The following PIK3CG variants were observed in gnomAD, a reference collection of about 807,000 sequenced individuals.
The protein encoded by PIK3CG is phosphatidylinositol 4,5-bisphosphate 3-kinase catalytic subunit gamma isoform.
A neutral mutation model predicts 102.3 loss-of-function variants in PIK3CG; 55 were observed. The ratio of observed to expected loss-of-function variants is 0.54; its 90% CI spans 0.43 to 0.67. PIK3CG has a LOEUF of 0.67. Ranked by LOEUF, PIK3CG falls within the 30% of genes least tolerant of loss-of-function variation. PIK3CG has a pLI of 0.00. For synonymous variants in PIK3CG, 552 were observed against 540.0 expected (o/e 1.02, Z -0.31); for missense variants, 1,258 against 1,391.8 (o/e 0.90, Z 1.53).
rs1485970413 is a variant in PIK3CG at position 106,893,182 on chromosome 7, C to T, written c.3030+6890C>T. On this transcript the variant is annotated intron_variant, in intron 10 of 10. Coordinates refer to ENST00000496166, the MANE Select transcript of PIK3CG (RefSeq NM_001282426.2). This position sits in a 1 kb window ranked among gnomAD's most constrained non-coding sequence, Gnocchi z 4.4. ...AATGTACTGAGCTGATAAAGGATTC[C>T]GTCTTGGGATCTGCACCCCGACCCA... is the stretch of plus-strand genomic sequence containing the variant. Among the ~76,000 whole-genome samples, 2 of 152,092 alleles carry T rather than the reference C, an allele frequency of 1.3e-5. No individual in the cohort carries two copies. The highest frequency in any genetic ancestry group is 6.5e-5 in the Admixed American group (1 of 15,272).
Position 106,897,541 on chromosome 7 carries a change from C to T in PIK3CG, c.3031-7568C>T, listed in dbSNP as rs1562801121. On this transcript the variant is annotated intron_variant, in intron 10 of 10. Transcript: ENST00000496166. The surrounding 1 kb of genome is among the most constrained non-coding windows in gnomAD (Gnocchi z 4.6). ...TCCTCTCCCTCCTCTCATTCTCTCC[C>T]CTCAAGTAGATCCCAGTGTCTGTTG... Among the ~76,000 whole-genome samples, 1 of 152,164 alleles carries T rather than the reference C, an allele frequency of 6.6e-6. No homozygotes were observed. The highest frequency in any genetic ancestry group is 2.4e-5 in the African/African-American group (1 of 41,434).
intron 6 of PIK3CG, among the ~76,000 whole-genome samples, chr7:106,881,699 A>C (rs1454435211): frequency 6.6e-6 from 1 of 152,072 alleles, no homozygotes; most frequent in Admixed American, 6.5e-5. Flanking sequence ...ATACAAAAAA[A>C]ATTAGCCGGG....
chr7:106,901,072 T>C (rs1314022972), intron 10 of PIK3CG, among the ~76,000 whole-genome samples: 1 of 152,204 alleles, frequency 6.6e-6, no homozygotes, highest in Non-Finnish European at 1.5e-5. Flanking sequence ...TGCAGTTCTC[T>C]GTATTTCCTG....
Position 106,869,725 on chromosome 7 carries a change from AT to A in PIK3CG, c.1995+174del, listed in dbSNP as rs1252493416. On this transcript the variant is annotated intron_variant, in intron 2 of 10. Transcript: ENST00000496166. This position sits in a 1 kb window ranked among gnomAD's most constrained non-coding sequence, Gnocchi z 5.3. ...AAAAGTAGTAAACTGTTCCATGTAC[AT>A]TTTTACTGTCTCGGAGGGTTTGCTG... Among the ~76,000 whole-genome samples, 2 of 151,720 alleles carry A rather than the reference AT, an allele frequency of 1.3e-5. No individual in the cohort carries two copies. Among genetic ancestry groups the A allele is most frequent in the Non-Finnish European group, 2.9e-5 (2 of 67,878 alleles).
At chr7:106,878,780 T>C (rs955216937) in intron 5 of PIK3CG, among the ~76,000 whole-genome samples, 2 of 152,244 alleles carry the variant, frequency 1.3e-5, no homozygotes, top group African/African-American at 4.8e-5. Flanking sequence ...ACTGGCCCTA[T>C]AGTAAAAGCA....
chr7:106,873,073 T>C (rs1790595344), intron 4 of PIK3CG, 135 bp downstream of exon 4: 2 of 642,756 alleles, frequency 3.1e-6, no homozygotes, highest in African/African-American at 3.7e-5. Flanking sequence ...TTTTGAGTTT[T>C]CTGTCTGCAT....
chr7:106,902,192 C>A lies in PIK3CG; in HGVS notation c.3031-2917C>A, dbSNP rs1449193810. The stretch of plus-strand genomic sequence containing the variant: ...GATGCAGGTCAGCAGTGGCTCAGTG[C>A]AAGCAGCCCAGGATGGAGAGTCTGT... On this transcript the variant is annotated intron_variant, in intron 10 of 10. Coordinates refer to ENST00000496166, the MANE Select transcript of PIK3CG (RefSeq NM_001282426.2). The surrounding 1 kb of genome is among the most constrained non-coding windows in gnomAD (Gnocchi z 4.3). Among the ~76,000 whole-genome samples, 1 of 152,158 alleles carries A rather than the reference C, an allele frequency of 6.6e-6. No homozygotes were observed. The highest frequency in any genetic ancestry group is 1.9e-4 in the East Asian group (1 of 5,192).
chr7:106,875,664 A>C (rs1270024352), intron 5 of PIK3CG, among the ~76,000 whole-genome samples: 7 of 152,150 alleles, frequency 4.6e-5, no homozygotes, highest in Non-Finnish European at 7.3e-5. Context: ...TGTATGTATC[A>C]GTAATTTGTT....
At chr7:106,866,428 A>C (rs901989385) in intron 1 of PIK3CG, among the ~76,000 whole-genome samples, 1 of 152,172 alleles carries the variant, frequency 6.6e-6, no homozygotes, top group African/African-American at 2.4e-5. Flanking sequence ...GTAGGTACTT[A>C]CTGAATTTTG....
Position 106,869,723 on chromosome 7 carries a change from A to G in PIK3CG, c.1995+167A>G, listed in dbSNP as rs1440658987. Among the ~76,000 whole-genome samples the G allele has an allele frequency of 6.6e-6, 1 of 152,138 alleles. No individual in the cohort carries two copies. Among genetic ancestry groups the G allele is most frequent in the Non-Finnish European group, 1.5e-5 (1 of 68,022 alleles). On this transcript the variant is annotated intron_variant, in intron 2 of 10. Coordinates refer to ENST00000496166, the MANE Select transcript of PIK3CG (RefSeq NM_001282426.2). This position sits in a 1 kb window ranked among gnomAD's most constrained non-coding sequence, Gnocchi z 5.3. ...CAAAAAGTAGTAAACTGTTCCATGT[A>G]CATTTTTACTGTCTCGGAGGGTTTG...
rs775598002 is a variant in PIK3CG, at chr7:106,869,273, A to T, written c.1712A>T (p.Asp571Val). Residue 571 changes from aspartate to valine, a missense_variant, in exon 2 of 11, where the codon GAC becomes GTC. Asp to Val is a radical substitution (Grantham distance 152). Around this residue, in one of 2 missense-constraint regions of PIK3CG, gnomAD observed 832 missense variants for 787.5 expected, o/e 1.06. Transcript: ENST00000496166. The surrounding 1 kb of genome is among the most constrained non-coding windows in gnomAD (Gnocchi z 5.3). The stretch of plus-strand genomic sequence containing the variant: ...CCACTTAACCCTCTCACAGCAGAGG[A>T]CAAAGAATTGCTCTGGCATTTTAGA... ...TDPLNPLTAE[D>V]KELLWHFRYE... is the part of the protein sequence containing the mutation. The T allele has an allele frequency of 6.2e-7, 1 of 1,614,240 alleles. No homozygotes were observed. Among genetic ancestry groups the T allele is most frequent in the East Asian group, 2.2e-5 (1 of 44,884 alleles).
At chr7:106,870,507 G>A (rs1357601753) in intron 2 of PIK3CG, among the ~76,000 whole-genome samples, 1 of 152,184 alleles carries the variant, frequency 6.6e-6, no homozygotes, top group African/African-American at 2.4e-5. Flanking sequence ...GGCATTAAAT[G>A]AGTACACACA....
In PIK3CG at chr7:106,874,890, T is replaced by C. The variant is rs1790675110; in HGVS notation, c.2391+87T>C. On this transcript the variant is annotated intron_variant, in intron 5 of 10. Transcript: ENST00000496166. The surrounding 1 kb of genome is among the most constrained non-coding windows in gnomAD (Gnocchi z 4.3). ...CTGGGGCCCAGTACTTAAAAGCTAA[T>C]GTTTATGCAGAGACAGGGAAGCTGG... The C allele has an allele frequency of 2.5e-6, 2 of 812,030 alleles. No homozygotes were observed. Among genetic ancestry groups the C allele is most frequent in the Non-Finnish European group, 2.0e-6 (1 of 490,500 alleles). 50.3% of individuals were successfully genotyped at this position (812,030 alleles called of 1,614,324 possible).
Position 106,903,950 on chromosome 7 carries a change from G to T in PIK3CG, c.3031-1159G>T, listed in dbSNP as rs182680715. ...ATTTTTTTGTATTTTTAGTAGAGAC[G>T]GGGTTTCATCATGTTGGCCAGGCTG... On this transcript the variant is annotated intron_variant, in intron 10 of 10. Coordinates refer to ENST00000496166, the MANE Select transcript of PIK3CG (RefSeq NM_001282426.2). The surrounding 1 kb of genome is among the most constrained non-coding windows in gnomAD (Gnocchi z 4.3). Among the ~76,000 whole-genome samples the T allele has an allele frequency of 6.6e-6, 1 of 151,776 alleles. No homozygotes were observed. Among genetic ancestry groups the T allele is most frequent in the East Asian group, 1.9e-4 (1 of 5,136 alleles).
intron 10 of PIK3CG, among the ~76,000 whole-genome samples, chr7:106,904,753 G>A (rs568161017): frequency 5.3e-5 from 8 of 152,240 alleles, no homozygotes; most frequent in Admixed American, 4.6e-4. Flanking sequence ...AAAGTTTATT[G>A]ATTCCAGTAT....
At position 106,890,517 on chromosome 7, in the gene PIK3CG, A is replaced by C. The variant is rs1001289911; in HGVS notation, c.3030+4225A>C. On this transcript the variant is annotated intron_variant, in intron 10 of 10. Transcript: ENST00000496166. The surrounding 1 kb of genome is among the most constrained non-coding windows in gnomAD (Gnocchi z 4.2). Reference sequence around the variant, plus strand: ...GTTTTTTAAAATTTTAAAACTAGTAAATGTTGTTTATTAAAATCAAGAGCC... The same window carrying C: ...GTTTTTTAAAATTTTAAAACTAGTACATGTTGTTTATTAAAATCAAGAGCC... Among the ~76,000 whole-genome samples, 2 of 152,190 alleles carry C rather than the reference A, an allele frequency of 1.3e-5. No individual in the cohort carries two copies. The highest frequency in any genetic ancestry group is 1.3e-4 in the Admixed American group (2 of 15,274).
chr7:106,898,173 A>G (rs1791456672), intron 10 of PIK3CG, among the ~76,000 whole-genome samples: 1 of 152,178 alleles, frequency 6.6e-6, no homozygotes, highest in South Asian at 2.1e-4. Context: ...GGCTGCATGT[A>G]TGTCTTCTTT....
At chr7:106,904,964 A>G (rs1791650045) in intron 10 of PIK3CG, 145 bp from the exon 11 acceptor site, 3 of 699,654 alleles carry the variant, frequency 4.3e-6, no homozygotes, top group Non-Finnish European at 4.9e-6. Context: ...GTTTCTCATC[A>G]AGTTTTTCAT....
intron 7 of PIK3CG, 32 bp downstream of exon 7, chr7:106,882,239 T>C (rs747017554): frequency 9.8e-7 from 1 of 1,022,714 alleles, no homozygotes; most frequent in Non-Finnish European, 1.4e-6. Flanking sequence ...TGAATAGACC[T>C]CTCAGCTCGT....
Sources: allele counts gnomAD v4.1 joint callset (sites outside exome capture counted in the v4.1 genomes callset), GRCh38; gene constraint gnomAD v4.1.1; regional missense constraint gnomAD v4.1.1; non-coding constraint Gnocchi (gnomAD v3.1); transcripts MANE v1.5; gene names NCBI Gene and HGNC (gene_info 2026-07-23, HGNC 2026-07-21).